The following STK3 variants were observed in gnomAD, a reference collection of about 807,000 sequenced individuals.
STK3 encodes serine/threonine-protein kinase 3.
Under a neutral mutation model 58.0 loss-of-function variants are expected in STK3, and 41 were observed. The observed-to-expected ratio is 0.71, with a 90% CI of 0.55 to 0.92. STK3 has a LOEUF of 0.92. Among genes scored for constraint, STK3 ranks in the 40% least tolerant of loss-of-function variants. The pLI is 0.00. For missense variants in STK3, 479 were observed against 602.7 expected, an observed-to-expected ratio of 0.79 and a Z score of 2.15; for synonymous variants, 170 against 191.0, an observed-to-expected ratio of 0.89 and a Z score of 0.91.
chr8:98,853,773 A>G (rs943729562), intron 3 of STK3, among the ~76,000 whole-genome samples: 5 of 152,262 alleles, frequency 3.3e-5, no homozygotes, highest in Non-Finnish European at 7.3e-5. Flanking sequence ...ACTCCAGAAG[A>G]AATAGAAAGT....
chr8:98,592,779 TTTG>T (rs1280330747), intron 7 of STK3, among the ~76,000 whole-genome samples: 24 of 147,636 alleles, frequency 1.6e-4, no homozygotes, highest in Middle Eastern at 3.5e-3. Context: ...ATTTATTTAT[TTTG>T]AGACAGAGTC....
upstream of STK3, chr8:98,388,352 G>T (rs1295315075): frequency 6.6e-6 from 1 of 152,150 alleles, no homozygotes; most frequent in Admixed American, 6.5e-5. Flanking sequence ...AAACCCTTAG[G>T]TGAATAACTG....
chr8:98,418,476 T>C (rs551539391), intron 3 of STK3, among the ~76,000 whole-genome samples: 9 of 152,108 alleles, frequency 5.9e-5, no homozygotes, highest in Non-Finnish European at 1.0e-4. Flanking sequence ...CGTGGGTGGA[T>C]GGATGGATGG....
intron 3 of STK3, among the ~76,000 whole-genome samples, chr8:98,409,546 G>C (rs1818032830): frequency 6.6e-6 from 1 of 152,226 alleles, no homozygotes; most frequent in Non-Finnish European, 1.5e-5. Context: ...GAGTTCCACA[G>C]ATGGGCTATC....
chr8:98,715,041 C>T (rs1016024957), intron 4 of STK3, among the ~76,000 whole-genome samples: 6 of 152,162 alleles, frequency 3.9e-5, no homozygotes, highest in African/African-American at 1.4e-4. Flanking sequence ...AAAGGATTCC[C>T]TATTTAATAA....
At chr8:98,506,186 G>A (rs977122045) in intron 10 of STK3, among the ~76,000 whole-genome samples, 1 of 152,242 alleles carries the variant, frequency 6.6e-6, no homozygotes, top group Admixed American at 6.5e-5. Context: ...AGGCTCCGTG[G>A]GCATGAGACC....
chr8:98,547,603 A>G (rs1810808480), intron 9 of STK3, among the ~76,000 whole-genome samples: 1 of 152,186 alleles, frequency 6.6e-6, no homozygotes, highest in Non-Finnish European at 1.5e-5. Flanking sequence ...AATTTGGACA[A>G]CATAAAATAA....
chr8:98,870,053 T>C (rs1837312801), intron 3 of STK3, among the ~76,000 whole-genome samples: 1 of 152,136 alleles, frequency 6.6e-6, no homozygotes, highest in Non-Finnish European at 1.5e-5. Flanking sequence ...GTCCAAGTGT[T>C]CTCATTGTTC....
chr8:98,468,502 A>AT (rs1212330599), intron 10 of STK3, among the ~76,000 whole-genome samples: 6 of 152,252 alleles, frequency 3.9e-5, no homozygotes, highest in African/African-American at 1.4e-4. Flanking sequence ...TTAATAATAA[A>AT]TAAGCTGTCT....
At chr8:98,796,739 T>C (rs1454098002) in intron 1 of STK3, among the ~76,000 whole-genome samples, 1 of 152,146 alleles carries the variant, frequency 6.6e-6, no homozygotes, top group East Asian at 1.9e-4. Context: ...CTAGAATCTG[T>C]AAGAAACTTA....
At chr8:98,404,245 G>A (rs1349563097) in intron 3 of STK3, among the ~76,000 whole-genome samples, 1 of 152,194 alleles carries the variant, frequency 6.6e-6, no homozygotes, top group Non-Finnish European at 1.5e-5. Flanking sequence ...CTTTTTAAAA[G>A]TTGACCGTGG....
At chr8:98,819,145 G>T (rs960728239) in intron 1 of STK3, among the ~76,000 whole-genome samples, 1 of 152,112 alleles carries the variant, frequency 6.6e-6, no homozygotes, top group African/African-American at 2.4e-5. Flanking sequence ...TTGAGACAGG[G>T]TCTTGCTCTG....
chr8:98,687,030 T>A (rs557302880), intron 6 of STK3, among the ~76,000 whole-genome samples: 1 of 151,886 alleles, frequency 6.6e-6, no homozygotes, highest in African/African-American at 2.4e-5. Context: ...TCAGAAAAAA[T>A]TCCACAATCT....
At chr8:98,804,214 C>G (rs1833766123) in intron 1 of STK3, among the ~76,000 whole-genome samples, 1 of 152,042 alleles carries the variant, frequency 6.6e-6, no homozygotes, top group Non-Finnish European at 1.5e-5. Flanking sequence ...TTTGGTCAGG[C>G]TAGTCTTGAA....
At chr8:98,422,478 T>A (rs942518692) in intron 3 of STK3, among the ~76,000 whole-genome samples, 1 of 152,120 alleles carries the variant, frequency 6.6e-6, no homozygotes, top group Non-Finnish European at 1.5e-5. Flanking sequence ...TCCCTTGTCC[T>A]CCGTCCCCAT....
intron 1 of STK3, among the ~76,000 whole-genome samples, chr8:98,822,374 A>G (rs1398938114): frequency 6.6e-6 from 1 of 152,164 alleles, no homozygotes; most frequent in Non-Finnish European, 1.5e-5. Context: ...GCAGTGGCAC[A>G]ATCATAGCTC....
rs1431401564 is a variant in STK3 at position 98,800,022 on chromosome 8, G to C, written c.27-25203C>G. Among the ~76,000 whole-genome samples the C allele has an allele frequency of 1.3e-5, 2 of 152,178 alleles. No homozygotes were observed. The highest frequency in any genetic ancestry group is 2.4e-5 in the African/African-American group (1 of 41,428). On this transcript the variant is annotated intron_variant, in intron 1 of 10. Transcript: ENST00000419617. The surrounding 1 kb of genome is among the most constrained non-coding windows in gnomAD (Gnocchi z 4.8). ...ATGCCACCCAGCGTTTACAGGAAAA[G>C]GCTTCTGAAATCAGACGCCTTTCAA... is the stretch of plus-strand genomic sequence containing the variant.
chr8:98,648,233 T>G lies in STK3; in HGVS notation c.685-52064A>C, dbSNP rs185829080. On this transcript the variant is annotated intron_variant, in intron 6 of 10. Transcript: ENST00000419617. The stretch of plus-strand genomic sequence containing the variant: ...TTGTCCCCATATATGCTCCTTCACA[T>G]CTTATTTTTCTCATCTCATAGCAAA... Among the ~76,000 whole-genome samples, 6 of 152,346 alleles carry G rather than the reference T, an allele frequency of 3.9e-5. No homozygotes were observed. The East Asian group carries it at 1.2e-3, about 29-fold the overall frequency.
At chr8:98,604,945 A>C (rs970521817) in intron 6 of STK3, among the ~76,000 whole-genome samples, 2 of 152,186 alleles carry the variant, frequency 1.3e-5, no homozygotes, top group African/African-American at 2.4e-5. Flanking sequence ...ACAGATCCCC[A>C]GGGCAGGGGT....
Sources: gnomAD v4.1 joint callset for allele counts (sites outside exome capture counted in the v4.1 genomes callset) on GRCh38, gnomAD v4.1.1 for gene constraint, Gnocchi (gnomAD v3.1) non-coding constraint, MANE v1.5 for transcripts, NCBI Gene and HGNC (gene_info 2026-07-23, HGNC 2026-07-21) for gene names.